Variants in ARSJ observed in about 807,000 individuals in gnomAD.
The protein encoded by ARSJ is arylsulfatase family member J.
A neutral mutation model predicts 35.9 loss-of-function variants in ARSJ; 26 were observed. The ratio of observed to expected loss-of-function variants is 0.72; its 90% CI spans 0.53 to 1.00. The LOEUF (loss-of-function observed/expected upper bound fraction) is 1.00. Among genes scored for constraint, ARSJ ranks in the 50% least tolerant of loss-of-function variants. ARSJ has a pLI of 0.00. For synonymous variants in ARSJ, 294 were observed against 267.6 expected, an observed-to-expected ratio of 1.10 and a Z score of -0.96; for missense variants, 667 against 723.6, an observed-to-expected ratio of 0.92 and a Z score of 0.90.
intron 1 of ARSJ, among the ~76,000 whole-genome samples, chr4:113,904,195 C>G (rs1444907425): frequency 6.6e-6 from 1 of 152,142 alleles, no homozygotes; most frequent in Non-Finnish European, 1.5e-5. Context: ...TCCCAAAGTG[C>G]TGCGATTACA....
intron 1 of ARSJ, among the ~76,000 whole-genome samples, chr4:113,923,028 A>C (rs901182090): frequency 6.6e-5 from 10 of 152,118 alleles, no homozygotes; most frequent in Non-Finnish European, 1.3e-4. Flanking sequence ...TTAATGAAAA[A>C]AGACTGATGT....
chr4:113,965,460 C>A, intron 1 of ARSJ, among the ~76,000 whole-genome samples: 2 of 151,980 alleles, frequency 1.3e-5, no homozygotes, highest in Non-Finnish European at 2.9e-5. Context: ...TACATCTTGG[C>A]CAAGATACCT....
intron 1 of ARSJ, among the ~76,000 whole-genome samples, chr4:113,959,985 T>C (rs993684678): frequency 6.6e-6 from 1 of 152,100 alleles, no homozygotes; most frequent in African/African-American, 2.4e-5. Flanking sequence ...CCTTCTATCA[T>C]TGCTTCTCTC....
Position 113,903,274 on chromosome 4 carries a change from G to C in ARSJ, c.800C>G (p.Ala267Gly). The C allele has an allele frequency of 6.2e-7, 1 of 1,614,164 alleles. No homozygotes were observed. The change falls in exon 2 of 2, where the codon GCT becomes GGT. Residue 267 changes from alanine to glycine, a missense_variant. By Grantham distance (60) the Ala-to-Gly change is moderately conservative. Transcript: ENST00000315366. ...AGGAGCTTGCAGTGGTGAATGAACA[G>C]CTTGATAGGCAATATATAAAAATAT... ...KPIFLYIAYQ[A>G]VHSPLQAPGR...
At chr4:113,920,724 A>G (rs17046624) in intron 1 of ARSJ, among the ~76,000 whole-genome samples, 6,405 of 152,256 alleles carry the variant, frequency 0.042, 420 homozygotes, top group African/African-American at 0.14. Flanking sequence ...TGAGGGGACA[A>G]GAGTTCTGAG....
rs978940114 is a variant in ARSJ at position 113,944,357 on chromosome 4, G to T, written c.398+34080C>A. The T allele has an allele frequency of 2.0e-5, 3 of 151,948 alleles. No individual in the cohort carries two copies. The South Asian group carries it at 6.2e-4, about 31-fold the overall frequency. 9.4% of individuals were successfully genotyped at this position (151,948 alleles called of 1,614,324 possible). On this transcript the variant is annotated intron_variant, in intron 1 of 1. Coordinates refer to ENST00000315366, the MANE Select transcript of ARSJ (RefSeq NM_024590.4). ...AGAGAAATGAATAGCTCTCTTAAAA[G>T]TCTGAGACCACTACATTAATCTCAT...
chr4:113,919,816 G>T (rs1407945370), intron 1 of ARSJ, among the ~76,000 whole-genome samples: 1 of 152,170 alleles, frequency 6.6e-6, no homozygotes, highest in African/African-American at 2.4e-5. Flanking sequence ...AGCATGACAA[G>T]GAGAGGAACC....
At chr4:113,948,772 T>A (rs903519768) in intron 1 of ARSJ, among the ~76,000 whole-genome samples, 4 of 152,018 alleles carry the variant, frequency 2.6e-5, no homozygotes, top group African/African-American at 9.7e-5. Flanking sequence ...CATGGAGGAG[T>A]TGGCTGTAGC....
At chr4:113,963,920 G>A (rs1488037056) in intron 1 of ARSJ, among the ~76,000 whole-genome samples, 2 of 151,898 alleles carry the variant, frequency 1.3e-5, no homozygotes, top group Admixed American at 1.3e-4. Flanking sequence ...TTGAGGTGAG[G>A]ATTAAATGAC....
At chr4:113,938,487 T>A (rs1420898088) in intron 1 of ARSJ, among the ~76,000 whole-genome samples, 1 of 151,994 alleles carries the variant, frequency 6.6e-6, no homozygotes, top group Non-Finnish European at 1.5e-5. Flanking sequence ...GGGCAAAGAT[T>A]TCATGATGAA....
At chr4:113,957,834 G>A (rs2149278717) in intron 1 of ARSJ, among the ~76,000 whole-genome samples, 1 of 152,166 alleles carries the variant, frequency 6.6e-6, no homozygotes, top group South Asian at 2.1e-4. Context: ...TGTAACAGCA[G>A]TCTAAAAATT....
intron 1 of ARSJ, among the ~76,000 whole-genome samples, chr4:113,923,623 A>G (rs1562345009): frequency 6.6e-6 from 1 of 152,118 alleles, no homozygotes; most frequent in African/African-American, 2.4e-5. Flanking sequence ...TCAATGGTGT[A>G]TACATTTCCA....
intron 1 of ARSJ, among the ~76,000 whole-genome samples, chr4:113,949,376 C>T (rs1725713176): frequency 6.6e-6 from 1 of 152,034 alleles, no homozygotes; most frequent in African/African-American, 2.4e-5. Flanking sequence ...AAATATGCTA[C>T]ATCTTCCCTA....
chr4:113,943,511 T>C (rs1725287558), intron 1 of ARSJ: 1 of 152,068 alleles, frequency 6.6e-6, no homozygotes, highest in South Asian at 2.1e-4. Context: ...CAGGTACTAG[T>C]ATAGATGAGA....
At chr4:113,957,852 A>G (rs1198305036) in intron 1 of ARSJ, among the ~76,000 whole-genome samples, 1 of 152,070 alleles carries the variant, frequency 6.6e-6, no homozygotes, top group Non-Finnish European at 1.5e-5. Context: ...ATTTTTATCA[A>G]CAAACAAAAA....
chr4:113,940,086 T>C, intron 1 of ARSJ, among the ~76,000 whole-genome samples: 1 of 152,062 alleles, frequency 6.6e-6, no homozygotes, highest in Admixed American at 6.6e-5. Flanking sequence ...TGTGGTGATT[T>C]CTTAAAGACC....
chr4:113,922,663 G>T (rs1294707005), intron 1 of ARSJ, among the ~76,000 whole-genome samples: 1 of 152,098 alleles, frequency 6.6e-6, no homozygotes, highest in African/African-American at 2.4e-5. Context: ...GCATCAAAAA[G>T]ATTTACAGTA....
At chr4:113,919,390 C>T (rs1400823433) in intron 1 of ARSJ, among the ~76,000 whole-genome samples, 1 of 152,154 alleles carries the variant, frequency 6.6e-6, no homozygotes, top group Admixed American at 6.6e-5. Context: ...TTCACATCTG[C>T]TTCTGTAAAG....
At chr4:113,971,127 A>T (rs1266380797) in intron 1 of ARSJ, among the ~76,000 whole-genome samples, 11 of 152,172 alleles carry the variant, frequency 7.2e-5, no homozygotes, top group Admixed American at 5.2e-4. Context: ...GAACACTGAA[A>T]CAAACTCTAA....
Sources: gnomAD v4.1 joint callset for allele counts (sites outside exome capture counted in the v4.1 genomes callset) on GRCh38, gnomAD v4.1.1 for gene constraint, MANE v1.5 for transcripts, NCBI Gene and HGNC (gene_info 2026-07-23, HGNC 2026-07-21) for gene names.